INPP4B: variants seen among roughly 807,000 people sequenced by gnomAD.
INPP4B encodes inositol polyphosphate 4-phosphatase type II.
Under a neutral mutation model 122.5 loss-of-function variants are expected in INPP4B, and 55 were observed. The ratio of observed to expected loss-of-function variants is 0.45; its 90% CI spans 0.36 to 0.56. The LOEUF (loss-of-function observed/expected upper bound fraction) is 0.56, where lower values mean the gene tolerates loss of function less well. Among genes scored for constraint, INPP4B ranks in the 20% least tolerant of loss-of-function variants. The pLI, the probability that INPP4B is intolerant of heterozygous loss-of-function variation, is 0.00. For missense variants in INPP4B, 1,000 were observed against 1,097.7 expected (o/e 0.91, Z 1.26); for synonymous variants, 403 against 388.7 (o/e 1.04, Z -0.43).
At chr4:142,088,843 CAGTCT>C (rs899308423) in intron 23 of INPP4B, among the ~76,000 whole-genome samples, 16 of 152,134 alleles carry the variant, frequency 1.1e-4, no homozygotes, top group African/African-American at 3.9e-4. Flanking sequence ...AAAATTTCCA[CAGTCT>C]AGTAGGGTGG....
chr4:142,575,488 T>C (rs1733649105), intron 2 of INPP4B, among the ~76,000 whole-genome samples: 1 of 152,070 alleles, frequency 6.6e-6, no homozygotes, highest in Non-Finnish European at 1.5e-5. Flanking sequence ...CATATATTTC[T>C]GTTGCTGCTA....
At chr4:142,764,044 C>T (rs973720429) in intron 1 of INPP4B, among the ~76,000 whole-genome samples, 7 of 151,996 alleles carry the variant, frequency 4.6e-5, no homozygotes, top group African/African-American at 1.7e-4. Flanking sequence ...TGACAGAATG[C>T]TAATTTTATT....
intron 7 of INPP4B, among the ~76,000 whole-genome samples, chr4:142,396,693 G>A (rs549593775): frequency 5.9e-5 from 9 of 151,818 alleles, no homozygotes; most frequent in Admixed American, 3.9e-4. Context: ...GTCAAAAACC[G>A]GAAGCAACAT....
chr4:142,246,090 G>A lies in INPP4B; in HGVS notation c.689-8079C>T, dbSNP rs562533786. Among the ~76,000 whole-genome samples the A allele has an allele frequency of 1.0e-3, 139 of 132,880 alleles. 3 individuals are homozygous for A. Among genetic ancestry groups the A allele is most frequent in the Middle Eastern group, 7.5e-3 (2 of 268 alleles). 87.2% of individuals were successfully genotyped at this position (132,880 alleles called of 152,430 possible). A position where few individuals can be genotyped will look rare whatever the true frequency, so the allele number is the denominator to read the frequency against. Reference sequence around the variant, plus strand: ...GTGTGTATACACACATTATATATATGTGTGTGTGTATACACACATATATAT... The same window carrying A: ...GTGTGTATACACACATTATATATATATGTGTGTGTATACACACATATATAT... On this transcript the variant is annotated intron_variant, in intron 11 of 25. Transcript: ENST00000262992.
At chr4:142,104,980 G>A (rs1259455847) in intron 23 of INPP4B, among the ~76,000 whole-genome samples, 1 of 151,772 alleles carries the variant, frequency 6.6e-6, no homozygotes, top group African/African-American at 2.4e-5. Flanking sequence ...CATATACTGA[G>A]GACCAACAAT....
At chr4:142,386,248 A>G (rs1423634113) in intron 7 of INPP4B, among the ~76,000 whole-genome samples, 1 of 152,130 alleles carries the variant, frequency 6.6e-6, no homozygotes, top group Non-Finnish European at 1.5e-5. Flanking sequence ...GTGTACATAT[A>G]CCACATTTAC....
chr4:142,544,930 T>TA (rs571942448), intron 2 of INPP4B, among the ~76,000 whole-genome samples: 38 of 152,274 alleles, frequency 2.5e-4, no homozygotes, highest in African/African-American at 8.7e-4. Flanking sequence ...AAATTTCTCT[T>TA]ACGAAAATAT....
intron 2 of INPP4B, among the ~76,000 whole-genome samples, chr4:142,697,002 C>T (rs777026920): frequency 1.1e-4 from 16 of 152,134 alleles, no homozygotes; most frequent in Non-Finnish European, 1.9e-4. Context: ...CACTGGCAAG[C>T]TTTCACCTGC....
chr4:142,666,563 G>T (rs1756115111), intron 2 of INPP4B, among the ~76,000 whole-genome samples: 1 of 151,812 alleles, frequency 6.6e-6, no homozygotes, highest in Non-Finnish European at 1.5e-5. Flanking sequence ...AAGCAAAAAA[G>T]AACCCTACCA....
At chr4:142,229,293 A>G (rs1341168866) in intron 12 of INPP4B, among the ~76,000 whole-genome samples, 1 of 152,144 alleles carries the variant, frequency 6.6e-6, no homozygotes, top group East Asian at 1.9e-4. Context: ...CAGAATATAC[A>G]TGATAAACGG....
chr4:142,332,696 TTTC>T (rs1775000819), intron 7 of INPP4B, among the ~76,000 whole-genome samples: 1 of 151,942 alleles, frequency 6.6e-6, no homozygotes, highest in Non-Finnish European at 1.5e-5. Context: ...TAGACAATGC[TTTC>T]TTGTTTAAAA....
At chr4:142,371,327 GA>G (rs569158922) in intron 7 of INPP4B, among the ~76,000 whole-genome samples, 12 of 151,996 alleles carry the variant, frequency 7.9e-5, no homozygotes, top group South Asian at 2.1e-4. Flanking sequence ...ACTATTAGAA[GA>G]AAACACAGGG....
At chr4:142,181,604 T>C (rs1331723954) in intron 15 of INPP4B, among the ~76,000 whole-genome samples, 1 of 152,230 alleles carries the variant, frequency 6.6e-6, no homozygotes, top group East Asian at 1.9e-4. Context: ...AATGTTCAAC[T>C]TTAGCGATGC....
intron 2 of INPP4B, among the ~76,000 whole-genome samples, chr4:142,560,864 A>G (rs2150118827): frequency 6.6e-6 from 1 of 152,322 alleles, no homozygotes; most frequent in Non-Finnish European, 1.5e-5. Context: ...CCCAGGAACA[A>G]TACTTTGCAT....
chr4:142,079,029 A>G (rs1772368108), intron 25 of INPP4B, among the ~76,000 whole-genome samples: 1 of 152,074 alleles, frequency 6.6e-6, no homozygotes. Context: ...CCCACCTCAG[A>G]TCTTCTCAAT....
intron 25 of INPP4B, among the ~76,000 whole-genome samples, chr4:142,061,263 G>A (rs1319908747): frequency 6.6e-6 from 1 of 152,172 alleles, no homozygotes; most frequent in Non-Finnish European, 1.5e-5. Context: ...GCAAGTAAAG[G>A]TTAGCTGACA....
At chr4:142,150,961 C>T (rs950650870) in intron 17 of INPP4B, among the ~76,000 whole-genome samples, 81 of 152,116 alleles carry the variant, frequency 5.3e-4, no homozygotes, top group Non-Finnish European at 7.5e-4. Context: ...TACAAAATAG[C>T]CTGATGTATC....
chr4:142,606,466 C>A (rs1741287519), intron 2 of INPP4B, among the ~76,000 whole-genome samples: 1 of 151,842 alleles, frequency 6.6e-6, no homozygotes, highest in Admixed American at 6.6e-5. Context: ...CCCCAATTAC[C>A]CTGACTTGAT....
At chr4:142,066,200 C>T (rs1763414010) in intron 25 of INPP4B, among the ~76,000 whole-genome samples, 1 of 101,634 alleles carries the variant, frequency 9.8e-6, no homozygotes, top group Admixed American at 1.2e-4. Context: ...AGACTAAATC[C>T]TTGTTACAAC....
Sources: allele counts gnomAD v4.1 joint callset (sites outside exome capture counted in the v4.1 genomes callset), GRCh38; gene constraint gnomAD v4.1.1; transcripts MANE v1.5; gene names NCBI Gene and HGNC (gene_info 2026-07-23, HGNC 2026-07-21).